The following PPP2R2C variants were observed in gnomAD, a reference collection of about 807,000 sequenced individuals.
PPP2R2C encodes protein phosphatase 2, regulatory subunit B, gamma.
In PPP2R2C, 10 loss-of-function variants were observed where a neutral mutation model predicts 45.3. That is an observed-to-expected ratio of 0.22 (90% CI 0.14 to 0.37). The LOEUF is 0.37. Ranked by LOEUF, PPP2R2C falls within the 10% of genes least tolerant of loss-of-function variation. The pLI is 1.00. For synonymous variants in PPP2R2C, 257 were observed against 245.4 expected, an observed-to-expected ratio of 1.05 and a Z score of -0.44; for missense variants, 308 against 619.7, an observed-to-expected ratio of 0.50 and a Z score of 5.34.
intron 1 of PPP2R2C, among the ~76,000 whole-genome samples, chr4:6,411,554 CT>C (rs34210845): frequency 0.25 from 33,532 of 135,934 alleles, 3,626 homozygotes; most frequent in Admixed American, 0.31. Flanking sequence ...CTTTTCATTT[CT>C]TTTTTTTTTT....
rs897197072 is a variant in PPP2R2C, at chr4:6,331,889, G to A, written c.960+1673C>T. Among the ~76,000 whole-genome samples the A allele has an allele frequency of 2.6e-5, 4 of 152,218 alleles. No homozygotes were observed. The highest frequency in any genetic ancestry group is 9.6e-5 in the African/African-American group (4 of 41,458). ...CCGCACACCAGCCGAACGCAGTCCT[G>A]CTACACACAATTTCTAGCACATCAC... is the stretch of plus-strand genomic sequence containing the variant. On this transcript the variant is annotated intron_variant, in intron 7 of 8. Coordinates refer to ENST00000382599, the MANE Select transcript of PPP2R2C (RefSeq NM_020416.4). The surrounding 1 kb of genome is among the most constrained non-coding windows in gnomAD (Gnocchi z 5.9).
At chr4:6,350,191 A>G (rs1387878921) in intron 5 of PPP2R2C, 1 of 985,346 alleles carries the variant, frequency 1.0e-6, no homozygotes, top group East Asian at 1.1e-4. Context: ...AAGGCCAAGC[A>G]AGAAAAGAGC....
intron 5 of PPP2R2C, among the ~76,000 whole-genome samples, chr4:6,362,338 G>A (rs1560481196): frequency 2.0e-5 from 3 of 152,116 alleles, no homozygotes; most frequent in Non-Finnish European, 4.4e-5. Flanking sequence ...TCAGGCCTGG[G>A]GTCAAGAGGA....
At chr4:6,427,820 T>G (rs1262502000) in intron 1 of PPP2R2C, among the ~76,000 whole-genome samples, 1 of 152,290 alleles carries the variant, frequency 6.6e-6, no homozygotes, top group African/African-American at 2.4e-5. Flanking sequence ...CTAACACACA[T>G]GAGGTGTAGA....
Position 6,323,244 on chromosome 4 carries a change from G to C in PPP2R2C, c.*58C>G. 2 of 1,535,622 alleles carry C rather than the reference G, an allele frequency of 1.3e-6. No homozygotes were observed. Among genetic ancestry groups the C allele is most frequent in the Non-Finnish European group, 1.8e-6 (2 of 1,129,160 alleles). ...CCCTCCTTGCATTGCGGTCGTGAAG[G>C]TCATGTCGGGGATGACTTGCATGAG... On this transcript the variant is annotated 3_prime_UTR_variant, in exon 9 of 9. Transcript: ENST00000382599.
At chr4:6,538,922 C>T (rs894384708) in intron 1 of PPP2R2C, among the ~76,000 whole-genome samples, 5 of 152,144 alleles carry the variant, frequency 3.3e-5, no homozygotes, top group South Asian at 2.1e-4. Flanking sequence ...ATATCGAGCC[C>T]GTTACACAGT....
Position 6,407,451 on chromosome 4 carries a change from G to A in PPP2R2C, c.71-26357C>T, listed in dbSNP as rs1027283659. 6.6e-5 allele frequency among the ~76,000 whole-genome samples: 10 copies of A among 152,134 alleles called. No individual in the cohort carries two copies. In the East Asian group the frequency reaches 7.7e-4, roughly 12 times the overall value. On this transcript the variant is annotated intron_variant, in intron 1 of 8. Coordinates refer to ENST00000382599, the MANE Select transcript of PPP2R2C (RefSeq NM_020416.4). ...CACTCTGCTGCCCAGGCTGGAGTGC[G>A]GTGGCACGATCTCAGCTCACTGCAA...
chr4:6,442,933 C>T (rs1720225044), intron 1 of PPP2R2C, among the ~76,000 whole-genome samples: 1 of 152,220 alleles, frequency 6.6e-6, no homozygotes, highest in African/African-American at 2.4e-5. Context: ...AGGGGGGCAC[C>T]CATTCCCCCC....
Position 6,332,277 on chromosome 4 carries a change from C to G in PPP2R2C, c.960+1285G>C, listed in dbSNP as rs547195031. ...TCCTGCAGGCTTGAGCCGGGCTTAT[C>G]CTGTCCCTCTCCTAGTCTGGGGTCT... On this transcript the variant is annotated intron_variant, in intron 7 of 8. Transcript: ENST00000382599. This position sits in a 1 kb window ranked among gnomAD's most constrained non-coding sequence, Gnocchi z 4.9. 6.6e-6 allele frequency among the ~76,000 whole-genome samples: 1 copy of G among 152,314 alleles called. No individual in the cohort carries two copies. The highest frequency in any genetic ancestry group is 1.9e-4 in the East Asian group (1 of 5,178).
intron 1 of PPP2R2C, among the ~76,000 whole-genome samples, chr4:6,459,000 A>G (rs1165023561): frequency 6.6e-6 from 1 of 152,242 alleles, no homozygotes; most frequent in Non-Finnish European, 1.5e-5. Flanking sequence ...TAGCCTGAGA[A>G]GGAGGAGGAC....
Position 6,427,169 on chromosome 4 carries a change from C to T in PPP2R2C, c.70+44991G>A, listed in dbSNP as rs534126367. Among the ~76,000 whole-genome samples, 10 of 152,348 alleles carry T rather than the reference C, an allele frequency of 6.6e-5. No homozygotes were observed. The South Asian group carries it at 8.3e-4, about 13-fold the overall frequency. ...CACCCACTGGGCTGGGAGGCCAGGA[C>T]GAGCTGGGGGCCCCACTGTATGCCC... On this transcript the variant is annotated intron_variant, in intron 1 of 8. Transcript: ENST00000382599.
intron 1 of PPP2R2C, among the ~76,000 whole-genome samples, chr4:6,423,185 T>C (rs1282269085): frequency 6.6e-6 from 1 of 152,150 alleles, no homozygotes; most frequent in Non-Finnish European, 1.5e-5. Flanking sequence ...GGAGATATTT[T>C]GGGGGTTTTC....
chr4:6,449,825 T>G (rs1720641581), intron 1 of PPP2R2C, among the ~76,000 whole-genome samples: 1 of 152,124 alleles, frequency 6.6e-6, no homozygotes. Flanking sequence ...AGGGTATGAT[T>G]TCCAGAGAGA....
At chr4:6,470,286 G>C (rs895595800) in intron 1 of PPP2R2C, among the ~76,000 whole-genome samples, 13 of 152,174 alleles carry the variant, frequency 8.5e-5, no homozygotes, top group African/African-American at 3.1e-4. Flanking sequence ...GCAGGTGCTC[G>C]GTAAATATCT....
chr4:6,412,701 G>A (rs1718265219), intron 1 of PPP2R2C, among the ~76,000 whole-genome samples: 1 of 152,192 alleles, frequency 6.6e-6, no homozygotes, highest in Non-Finnish European at 1.5e-5. Context: ...GGTCACAGAT[G>A]GAATGGCTGT....
At chr4:6,391,137 C>A (rs1412125898) in intron 1 of PPP2R2C, among the ~76,000 whole-genome samples, 2 of 152,120 alleles carry the variant, frequency 1.3e-5, no homozygotes, top group Admixed American at 1.3e-4. Context: ...CACCTGCCCA[C>A]CCACGTAACC....
rs1316198371 is a variant in PPP2R2C, at chr4:6,530,028, C to T, written c.49+5243G>A. 2.0e-5 allele frequency among the ~76,000 whole-genome samples: 3 copies of T among 152,118 alleles called. No homozygotes were observed. In the East Asian group the frequency reaches 5.8e-4, roughly 29 times the overall value. On this transcript the variant is annotated intron_variant, in intron 2 of 9. Transcript: ENST00000506140. ...AGTCCCAGAGAATCATTCACCACAG[C>T]GTGTGTCTTAGGGACACAGATTCAC...
At chr4:6,381,291 C>T in intron 1 of PPP2R2C, 197 bp from the exon 2 acceptor site, 1 of 1,528,644 alleles carries the variant, frequency 6.5e-7, no homozygotes, top group East Asian at 2.5e-5. Flanking sequence ...CTCCTCTTCC[C>T]TCTGCACTGG....
chr4:6,351,936 T>A (rs1712601558), intron 5 of PPP2R2C, among the ~76,000 whole-genome samples: 1 of 152,148 alleles, frequency 6.6e-6, no homozygotes, highest in Non-Finnish European at 1.5e-5. Flanking sequence ...CAAAAGGAAT[T>A]AATTACCAAG....
Sources: gnomAD v4.1 joint callset for allele counts (sites outside exome capture counted in the v4.1 genomes callset) on GRCh38, gnomAD v4.1.1 for gene constraint, Gnocchi (gnomAD v3.1) non-coding constraint, MANE v1.5 for transcripts, NCBI Gene and HGNC (gene_info 2026-07-23, HGNC 2026-07-21) for gene names.